MED21: variants seen among roughly 807,000 people sequenced by gnomAD.
The protein encoded by MED21 is mediator complex subunit 21, also known as mediator of RNA polymerase II transcription subunit 21.
In MED21, 9 loss-of-function variants were observed where a neutral mutation model predicts 18.2. The observed-to-expected ratio is 0.49, with a 90% CI of 0.30 to 0.86. The LOEUF (loss-of-function observed/expected upper bound fraction) is 0.86. MED21 is among the 40% of genes least tolerant of loss of function. The pLI is 0.07. For missense variants in MED21, 150 were observed against 170.9 expected, an observed-to-expected ratio of 0.88 and a Z score of 0.68; for synonymous variants, 73 against 60.5, an observed-to-expected ratio of 1.21 and a Z score of -0.96.
At chr12:27,030,862 T>C (rs1941611750), downstream of MED21, 1 of 152,246 alleles carries the variant, frequency 6.6e-6, no homozygotes, top group Non-Finnish European at 1.5e-5. Flanking sequence ...ATCTGTCCAC[T>C]TGTGCCTTAA....
At chr12:27,037,116 T>G (rs1445844265) in intron 2 of MED21, 1 of 151,590 alleles carries the variant, frequency 6.6e-6, no homozygotes, top group African/African-American at 2.4e-5. Flanking sequence ...TTTATTTCCT[T>G]GAGCAGTGGT....
chr12:27,024,426 TGA>T (rs1941517264), intron 1 of MED21, among the ~76,000 whole-genome samples: 1 of 152,174 alleles, frequency 6.6e-6, no homozygotes, highest in African/African-American at 2.4e-5. Context: ...GTTTTTAAGC[TGA>T]GAGGACCAGC....
rs1361885633 is a variant in MED21 at position 27,028,535 on chromosome 12, C to G, written c.*74C>G. ...AAGAATTCTGCATCAGACTTAGATA[C>G]AAGCCTTACCAACAATTACAGAAAC... is the stretch of plus-strand genomic sequence containing the variant. On this transcript the variant is annotated 3_prime_UTR_variant, in exon 4 of 4. Coordinates refer to ENST00000282892, the MANE Select transcript of MED21 (RefSeq NM_004264.5). The G allele has an allele frequency of 1.4e-5, 21 of 1,506,640 alleles. No homozygotes were observed. Among genetic ancestry groups the G allele is most frequent in the South Asian group, 5.5e-5 (4 of 72,366 alleles). The allele number at this position is 1,506,640 out of a possible 1,614,324, so 93.3% of individuals were successfully genotyped here.
Position 27,028,729 on chromosome 12 carries a change from G to A in MED21, c.*268G>A. ...TAATACATTAATGAACATAATATAA[G>A]GAAACATATGTAAAATTCTGTTATG... On this transcript the variant is annotated 3_prime_UTR_variant, in exon 4 of 4. Coordinates refer to ENST00000282892, the MANE Select transcript of MED21 (RefSeq NM_004264.5). 9.2e-7 allele frequency: 1 copy of A among 1,084,458 alleles called. No homozygotes were observed. The highest frequency in any genetic ancestry group is 1.1e-6 in the Non-Finnish European group (1 of 890,280). The allele number at this position is 1,084,458 out of a possible 1,614,324, so 67.2% of individuals were successfully genotyped here. A position where few individuals can be genotyped will look rare whatever the true frequency, so the allele number is the denominator to read the frequency against.
At chr12:27,038,790 C>T (rs1004993599) in intron 2 of MED21, 2 of 152,136 alleles carry the variant, frequency 1.3e-5, no homozygotes, top group African/African-American at 4.8e-5. Context: ...TATGCCATTA[C>T]ATTAAAGTCA....
At chr12:27,031,194 A>T (rs999764802), downstream of MED21, among the ~76,000 whole-genome samples, 4 of 152,172 alleles carry the variant, frequency 2.6e-5, no homozygotes, top group Admixed American at 1.3e-4. Flanking sequence ...GGCATGAGCC[A>T]CTGCACCCGG....
rs1348935567 is a variant in MED21 at position 27,027,406 on chromosome 12, A to C, written c.217A>C (p.Ile73Leu). ...AACAGCAAAAGACATTGATGTTTTGATAGATTCCTTACCCAGTGAAGAATC... is the reference window on the plus strand; with the variant it reads ...AACAGCAAAAGACATTGATGTTTTGCTAGATTCCTTACCCAGTGAAGAATC... ...ARTAKDIDVL[I>L]DSLPSEESTA... Residue 73 changes from isoleucine (I) to leucine (L), a missense_variant, in exon 3 of 4, where the codon ATA becomes CTA. Transcript: ENST00000282892. 6.2e-7 allele frequency: 1 copy of C among 1,613,824 alleles called. No individual in the cohort carries two copies. Among genetic ancestry groups the C allele is most frequent in the South Asian group, 1.1e-5 (1 of 91,068 alleles).
chr12:27,035,465 T>C (rs1160008010), downstream of MED21, among the ~76,000 whole-genome samples: 1 of 151,780 alleles, frequency 6.6e-6, no homozygotes, highest in Non-Finnish European at 1.5e-5. Flanking sequence ...TACTTTAAGT[T>C]TTAGGGTACA....
downstream of MED21, among the ~76,000 whole-genome samples, chr12:27,032,664 C>G (rs1164097881): frequency 6.6e-6 from 1 of 152,190 alleles, no homozygotes; most frequent in East Asian, 1.9e-4. Flanking sequence ...TGGCTTATTG[C>G]AAAGAACCAC....
At chr12:27,026,665 T>C in intron 2 of MED21, 131 bp downstream of exon 2, 1 of 732,346 alleles carries the variant, frequency 1.4e-6, no homozygotes, top group Non-Finnish European at 2.3e-6. Flanking sequence ...TTACAAGTTT[T>C]GTTTGTTGTA....
At position 27,028,506 on chromosome 12, in the gene MED21, CATTAAGA is replaced by C; in HGVS notation, c.*49_*55del. ...GCTGAGAAAAGAACTGTTTGAGTGCCATTAAGAATTCTGCATCAGACTTAGATACAAG... is the reference window on the plus strand; with the variant it reads ...GCTGAGAAAAGAACTGTTTGAGTGCCATTCTGCATCAGACTTAGATACAAG... On this transcript the variant is annotated 3_prime_UTR_variant, in exon 4 of 4. Transcript: ENST00000282892. 1 of 1,572,914 alleles carries C rather than the reference CATTAAGA, an allele frequency of 6.4e-7. No homozygotes were observed. Among genetic ancestry groups the C allele is most frequent in the Non-Finnish European group, 8.7e-7 (1 of 1,154,832 alleles).
At chr12:27,023,419 C>CCAAA (rs74707209) in intron 1 of MED21, among the ~76,000 whole-genome samples, 50,823 of 150,008 alleles carry the variant, frequency 0.34, 9,966 homozygotes, top group Non-Finnish European at 0.47. Context: ...CCTGTCTGAG[C>CCAAA]CAAAGTAGCT....
chr12:27,038,577 A>G (rs1228770558), intron 2 of MED21: 1 of 152,318 alleles, frequency 6.6e-6, no homozygotes, highest in East Asian at 1.9e-4. Flanking sequence ...TTCATGAGGA[A>G]GGATAACAGA....
chr12:27,033,369 T>C (rs7300451), downstream of MED21, among the ~76,000 whole-genome samples: 13,912 of 152,280 alleles, frequency 0.091, 804 homozygotes, highest in Non-Finnish European at 0.13. Context: ...ATCCCACTCA[T>C]GAGGCCTTTA....
At chr12:27,034,108 T>C (rs970035626), downstream of MED21, among the ~76,000 whole-genome samples, 1 of 152,182 alleles carries the variant, frequency 6.6e-6, no homozygotes, top group Non-Finnish European at 1.5e-5. Flanking sequence ...AACTTAATCC[T>C]TTAAACTTCA....
chr12:27,031,918 C>A (rs1033784602), downstream of MED21, among the ~76,000 whole-genome samples: 6 of 152,102 alleles, frequency 3.9e-5, no homozygotes, highest in African/African-American at 1.4e-4. Context: ...TACCCCTTGG[C>A]CCCACTTGGA....
rs149924994 is a variant in MED21, at chr12:27,028,332, A to G, written c.306A>G (p.Thr102=). 4 of 1,614,056 alleles carry G rather than the reference A, an allele frequency of 2.5e-6. No individual in the cohort carries two copies. The highest frequency in any genetic ancestry group is 2.7e-5 in the African/African-American group (2 of 74,942). ...KLEEENHEAA[T]CLEDVVYRGD... ...AAGAAGAAAACCATGAAGCTGCTAC[A>G]TGTCTGGAGGATGTTGTTTATCGAG... The change falls in exon 4 of 4, where the codon ACA becomes ACG. Residue 102 remains threonine (T), a synonymous_variant. Coordinates refer to ENST00000282892, the MANE Select transcript of MED21 (RefSeq NM_004264.5).
At chr12:27,037,456 G>A (rs1941656619) in intron 2 of MED21, 2 of 151,800 alleles carry the variant, frequency 1.3e-5, no homozygotes, top group Non-Finnish European at 2.9e-5. Flanking sequence ...TAATTGCCCT[G>A]GCCAGAACTT....
intron 2 of MED21, among the ~76,000 whole-genome samples, chr12:27,035,929 T>C (rs1282531434): frequency 6.6e-6 from 1 of 152,078 alleles, no homozygotes; most frequent in Non-Finnish European, 1.5e-5. Context: ...AGCAGCATGA[T>C]TTATAGTCCT....
Sources: allele counts gnomAD v4.1 joint callset (sites outside exome capture counted in the v4.1 genomes callset), GRCh38; gene constraint gnomAD v4.1.1; transcripts MANE v1.5; gene names NCBI Gene and HGNC (gene_info 2026-07-23, HGNC 2026-07-21).